ACTR3C: variants seen among roughly 807,000 people sequenced by gnomAD.
The protein encoded by ACTR3C is actin-related protein 3C.
ACTR3C carries 18 observed loss-of-function variants against 26.3 expected under a neutral mutation model. The ratio of observed to expected loss-of-function variants is 0.68; its 90% CI spans 0.47 to 1.01. The LOEUF is 1.01. Ranked by LOEUF, ACTR3C falls within the 50% of genes least tolerant of loss-of-function variation. ACTR3C has a pLI of 0.00. For missense variants in ACTR3C, 184 were observed against 250.7 expected, an observed-to-expected ratio of 0.73 and a Z score of 1.80; for synonymous variants, 55 against 94.5, an observed-to-expected ratio of 0.58 and a Z score of 2.42.
chr7:149,901,542 CAG>C, the ACTR3C span, among the ~76,000 whole-genome samples: 2 of 143,130 alleles, frequency 1.4e-5, no homozygotes, highest in African/African-American at 5.2e-5. Flanking sequence ...ATTTTAAATA[CAG>C]AGTTTATAAA....
the ACTR3C span, among the ~76,000 whole-genome samples, chr7:150,009,938 T>C: frequency 3.9e-5 from 6 of 152,230 alleles, no homozygotes; most frequent in African/African-American, 7.2e-5. Context: ...AGAGTAGTCT[T>C]TGAAAAGCAC....
the ACTR3C span, among the ~76,000 whole-genome samples, chr7:150,040,178 T>C: frequency 6.7e-6 from 1 of 148,246 alleles, no homozygotes; most frequent in African/African-American, 2.5e-5. Context: ...GCTTATTTGC[T>C]TCTTGTACTA....
the ACTR3C span, among the ~76,000 whole-genome samples, chr7:150,210,739 T>C: frequency 4.0e-5 from 6 of 149,716 alleles, no homozygotes; most frequent in Non-Finnish European, 8.8e-5. Context: ...GTAGTGGAAT[T>C]GTTAGGGAGA....
the ACTR3C span, among the ~76,000 whole-genome samples, chr7:149,986,473 C>A: frequency 1.3e-5 from 2 of 152,166 alleles, no homozygotes; most frequent in East Asian, 3.9e-4. Context: ...ACTACCCAAG[C>A]AGAGTGATGC....
the ACTR3C span, among the ~76,000 whole-genome samples, chr7:150,042,622 G>T: frequency 6.6e-6 from 1 of 151,016 alleles, no homozygotes; most frequent in Non-Finnish European, 1.5e-5. Context: ...AGAGCCAGGG[G>T]GTAAGAGGGG....
chr7:150,275,924 C>G (rs182611976), intron 6 of ACTR3C, among the ~76,000 whole-genome samples: 2 of 152,122 alleles, frequency 1.3e-5, no homozygotes, highest in African/African-American at 4.8e-5. Flanking sequence ...GCTTCCCACC[C>G]GGGGTCAGCC....
chr7:150,226,600 C>G, the ACTR3C span, among the ~76,000 whole-genome samples: 1 of 152,112 alleles, frequency 6.6e-6, no homozygotes, highest in Non-Finnish European at 1.5e-5. Context: ...CCACGTCTGG[C>G]TAATTTTTTG....
At chr7:149,996,582 A>AAATAAATAAAT in the ACTR3C span, among the ~76,000 whole-genome samples, 42 of 149,004 alleles carry the variant, frequency 2.8e-4, no homozygotes, top group Middle Eastern at 3.4e-3. Flanking sequence ...TTCTGGTAAA[A>AAATAAATAAAT]AAATAAATAA....
chr7:150,239,544 A>G (rs200744337), downstream of ACTR3C, among the ~76,000 whole-genome samples: 3 of 121,394 alleles, frequency 2.5e-5, no homozygotes, highest in Admixed American at 2.4e-4. Context: ...CTCTCTCTAT[A>G]TATATATATA....
the ACTR3C span, among the ~76,000 whole-genome samples, chr7:150,031,346 G>C: frequency 1.7e-4 from 26 of 152,222 alleles, no homozygotes; most frequent in Middle Eastern, 3.4e-3. Context: ...TGAAGGTGAG[G>C]CTTAGAAGAA....
chr7:149,920,511 C>G, the ACTR3C span, among the ~76,000 whole-genome samples: 3 of 151,878 alleles, frequency 2.0e-5, no homozygotes, highest in African/African-American at 7.2e-5. Context: ...CAGGGTCTTG[C>G]TATGTTCCCC....
At chr7:149,884,188 C>A in the ACTR3C span, among the ~76,000 whole-genome samples, 7,421 of 152,212 alleles carry the variant, frequency 0.049, 198 homozygotes, top group African/African-American at 0.092. Flanking sequence ...CTGGAAGTGA[C>A]CTGCTGGTAA....
chr7:150,040,017 C>G, the ACTR3C span, among the ~76,000 whole-genome samples: 56,518 of 108,944 alleles, frequency 0.52, 14,043 homozygotes, highest in East Asian at 0.71. Context: ...AAGAGCCAGG[C>G]GGGGAAGAGG....
chr7:150,140,063 C>A, the ACTR3C span, among the ~76,000 whole-genome samples: 1 of 152,164 alleles, frequency 6.6e-6, no homozygotes, highest in South Asian at 2.1e-4. Flanking sequence ...TGCACACACA[C>A]ACGTGCACAC....
chr7:149,969,793 C>T, the ACTR3C span, among the ~76,000 whole-genome samples: 3 of 152,098 alleles, frequency 2.0e-5, no homozygotes, highest in South Asian at 2.1e-4. Context: ...GCAAGGTTAG[C>T]GTTATGTTTA....
intron 2 of ACTR3C, 132 bp downstream of exon 2, chr7:150,295,120 G>C: frequency 1.8e-6 from 2 of 1,082,190 alleles, no homozygotes; most frequent in South Asian, 3.3e-5. Context: ...GAATGGCATG[G>C]GGACGGGGGA....
intron 6 of ACTR3C, among the ~76,000 whole-genome samples, chr7:150,267,114 G>C (rs539722642): frequency 6.6e-6 from 1 of 152,298 alleles, no homozygotes; most frequent in South Asian, 2.1e-4. Context: ...CGGCTGACTT[G>C]TGGCACAGTC....
the ACTR3C span, among the ~76,000 whole-genome samples, chr7:150,078,195 A>C: frequency 6.6e-6 from 1 of 151,782 alleles, no homozygotes; most frequent in Middle Eastern, 3.4e-3. Flanking sequence ...CATCTTTCGC[A>C]TTCTCCAGTT....
At chr7:150,285,313 T>C (rs915954960) in intron 5 of ACTR3C, among the ~76,000 whole-genome samples, 14 of 152,186 alleles carry the variant, frequency 9.2e-5, no homozygotes, top group African/African-American at 3.1e-4. Flanking sequence ...TTTTGTTTAA[T>C]GAGAAGGGTT....
Sources: allele counts gnomAD v4.1 joint callset (sites outside exome capture counted in the v4.1 genomes callset), GRCh38; gene constraint gnomAD v4.1.1; transcripts MANE v1.5; gene names NCBI Gene and HGNC (gene_info 2026-07-23, HGNC 2026-07-21).